LNP1: variants seen among roughly 807,000 people sequenced by gnomAD.
LNP1 encodes the protein leukemia NUP98 fusion partner 1.
Under a neutral mutation model 14.5 loss-of-function variants are expected in LNP1, and 12 were observed. The ratio of observed to expected loss-of-function variants is 0.83; its 90% CI spans 0.53 to 1.34. LNP1 has a LOEUF of 1.34. LNP1 is among the 40% of genes most tolerant of loss of function. LNP1 has a pLI of 0.00. For synonymous variants in LNP1, 75 were observed against 71.4 expected, an observed-to-expected ratio of 1.05 and a Z score of -0.26; for missense variants, 198 against 210.9, an observed-to-expected ratio of 0.94 and a Z score of 0.38.
rs574768995 is a variant in LNP1 at position 100,405,849 on chromosome 3, T to C, written c.-34+3410T>C. ...CAATTTACTCTTCCTATAGCATAAC[T>C]GTAATTTCACTCTTGAGCTGAAAGA... On this transcript the variant is annotated intron_variant, in intron 1 of 3. Coordinates refer to ENST00000383693, the MANE Select transcript of LNP1 (RefSeq NM_001085451.2). Among the ~76,000 whole-genome samples the C allele has an allele frequency of 5.9e-5, 9 of 152,328 alleles. No homozygotes were observed. The South Asian group carries it at 1.0e-3, about 18-fold the overall frequency.
intron 1 of LNP1, among the ~76,000 whole-genome samples, chr3:100,420,759 C>T (rs2148901390): frequency 6.6e-6 from 1 of 152,298 alleles, no homozygotes; most frequent in Non-Finnish European, 1.5e-5. Flanking sequence ...TTTTCATCCT[C>T]TTAACAGGGT....
At chr3:100,438,791 C>T (rs1195216157) in intron 2 of LNP1, among the ~76,000 whole-genome samples, 1 of 152,080 alleles carries the variant, frequency 6.6e-6, no homozygotes, top group African/African-American at 2.4e-5. Flanking sequence ...ATGCTGTAGC[C>T]CAGGAGCCCA....
rs1238002897 is a variant in LNP1, at chr3:100,416,597, TTTTGTGTGTG to T, written c.-33-13098_-33-13089del. On this transcript the variant is annotated intron_variant, in intron 1 of 3. Coordinates refer to ENST00000383693, the MANE Select transcript of LNP1 (RefSeq NM_001085451.2). ...ATAAATAATACCTTGAGTATATCTT[TTTTGTGTGTG>T]TGTGTGTGTGTGTGTGTGTGTGTGT... is the stretch of plus-strand genomic sequence containing the variant. 6.0e-3 allele frequency among the ~76,000 whole-genome samples: 661 copies of T among 110,634 alleles called. 11 individuals are homozygous for T. Among genetic ancestry groups the T allele is most frequent in the African/African-American group, 0.015 (494 of 32,362 alleles). 72.6% of individuals were successfully genotyped at this position (110,634 alleles called of 152,430 possible).
chr3:100,439,900 G>A (rs891083251), intron 2 of LNP1, among the ~76,000 whole-genome samples: 1 of 152,138 alleles, frequency 6.6e-6, no homozygotes, highest in Non-Finnish European at 1.5e-5. Flanking sequence ...TTATTTGAGA[G>A]TAAGTTTCTA....
At chr3:100,420,545 G>A (rs1707134126) in intron 1 of LNP1, among the ~76,000 whole-genome samples, 1 of 152,002 alleles carries the variant, frequency 6.6e-6, no homozygotes, top group Non-Finnish European at 1.5e-5. Context: ...TCAAACTCCT[G>A]GGCTCAAGTG....
intron 1 of LNP1, among the ~76,000 whole-genome samples, chr3:100,418,894 C>T (rs1371756838): frequency 6.6e-6 from 1 of 152,174 alleles, no homozygotes; most frequent in African/African-American, 2.4e-5. Context: ...AAATCCCTCC[C>T]AGTTTCAGCT....
chr3:100,428,633 T>G (rs939794784), intron 1 of LNP1, among the ~76,000 whole-genome samples: 1 of 152,036 alleles, frequency 6.6e-6, no homozygotes, highest in African/African-American at 2.4e-5. Context: ...CTCTTTACTT[T>G]GAAAAAAATG....
intron 1 of LNP1, among the ~76,000 whole-genome samples, chr3:100,418,794 A>C (rs1707115846): frequency 6.6e-6 from 1 of 152,180 alleles, no homozygotes; most frequent in South Asian, 2.1e-4. Flanking sequence ...CTAGAAGGTC[A>C]GATTTGAGAG....
intron 1 of LNP1, among the ~76,000 whole-genome samples, chr3:100,419,488 A>G (rs1374768846): frequency 6.6e-6 from 1 of 151,862 alleles, no homozygotes; most frequent in Non-Finnish European, 1.5e-5. Flanking sequence ...CTATGCACAC[A>G]CTCATTTGTG....
chr3:100,409,744 A>G (rs1707010896), intron 1 of LNP1, among the ~76,000 whole-genome samples: 1 of 150,554 alleles, frequency 6.6e-6, no homozygotes, highest in Non-Finnish European at 1.5e-5. Context: ...GCAGGTACCC[A>G]CCACTGTGCC....
chr3:100,454,197 C>T (rs920849145), intron 3 of LNP1, among the ~76,000 whole-genome samples: 2 of 152,066 alleles, frequency 1.3e-5, no homozygotes, highest in Admixed American at 6.5e-5. Flanking sequence ...CTCTTTTTCA[C>T]AGTTATATGT....
intron 1 of LNP1, among the ~76,000 whole-genome samples, chr3:100,421,696 A>G (rs978737864): frequency 2.6e-5 from 4 of 152,176 alleles, no homozygotes; most frequent in Non-Finnish European, 5.9e-5. Context: ...ACCCACTTGT[A>G]AAAAAGAGAG....
Position 100,418,426 on chromosome 3 carries a change from A to G in LNP1, c.-33-11271A>G, listed in dbSNP as rs554712470. Among the ~76,000 whole-genome samples the G allele has an allele frequency of 2.6e-5, 4 of 151,576 alleles. No homozygotes were observed. In the East Asian group the frequency reaches 7.8e-4, roughly 29 times the overall value. Reference sequence around the variant, plus strand: ...GGCTACCAACATTGATCTGTTTTGTAGGTACTTTTTTTTTTTGGTCATGCT... The same window carrying G: ...GGCTACCAACATTGATCTGTTTTGTGGGTACTTTTTTTTTTTGGTCATGCT... On this transcript the variant is annotated intron_variant, in intron 1 of 3. Transcript: ENST00000383693.
intron 3 of LNP1, among the ~76,000 whole-genome samples, chr3:100,453,162 C>A (rs1001978634): frequency 6.6e-6 from 1 of 152,134 alleles, no homozygotes; most frequent in Non-Finnish European, 1.5e-5. Flanking sequence ...TGCACCTTTG[C>A]CTTTCAAGTG....
intron 2 of LNP1, among the ~76,000 whole-genome samples, chr3:100,442,927 C>G (rs72943211): frequency 3.3e-5 from 5 of 152,046 alleles, no homozygotes; most frequent in African/African-American, 4.8e-5. Context: ...TGTGAAGTCT[C>G]ATGTCCTATG....
chr3:100,432,149 T>G (rs1707249616), intron 2 of LNP1, among the ~76,000 whole-genome samples: 1 of 150,506 alleles, frequency 6.6e-6, no homozygotes, highest in African/African-American at 2.4e-5. Flanking sequence ...TCCTTACTTT[T>G]TTTCTTCTCT....
chr3:100,434,674 G>A (rs1408777892), intron 2 of LNP1, among the ~76,000 whole-genome samples: 1 of 151,660 alleles, frequency 6.6e-6, no homozygotes, highest in South Asian at 2.1e-4. Flanking sequence ...GACTACAGGC[G>A]TGCACCACCA....
chr3:100,426,212 C>T (rs1013821903), intron 1 of LNP1, among the ~76,000 whole-genome samples: 1 of 152,152 alleles, frequency 6.6e-6, no homozygotes, highest in Non-Finnish European at 1.5e-5. Context: ...CCATGTGATT[C>T]GGATAGCAGA....
chr3:100,430,407 C>T (rs969762808), intron 2 of LNP1, among the ~76,000 whole-genome samples: 5 of 152,184 alleles, frequency 3.3e-5, no homozygotes, highest in Non-Finnish European at 7.3e-5. Context: ...CTCTCCTGCC[C>T]TCAGCACTGT....
Sources: gnomAD v4.1 joint callset for allele counts (sites outside exome capture counted in the v4.1 genomes callset) on GRCh38, gnomAD v4.1.1 for gene constraint, MANE v1.5 for transcripts, NCBI Gene and HGNC (gene_info 2026-07-23, HGNC 2026-07-21) for gene names.